NPAS3: variants seen among roughly 807,000 people sequenced by gnomAD.
NPAS3 encodes the protein neuronal PAS domain protein 3, also known as neuronal PAS domain-containing protein 3.
A neutral mutation model predicts 73.1 loss-of-function variants in NPAS3; 14 were observed. The ratio of observed to expected loss-of-function variants is 0.19; its 90% CI spans 0.13 to 0.30. The LOEUF is 0.30. Ranked by LOEUF, NPAS3 falls within the 10% of genes least tolerant of loss-of-function variation. The pLI, the probability that NPAS3 is intolerant of heterozygous loss-of-function variation, is 1.00. For missense variants in NPAS3, 1,096 were observed against 1,250.0 expected (o/e 0.88, Z 1.86); for synonymous variants, 620 against 541.5 (o/e 1.14, Z -2.01).
At chr14:33,798,048 T>C (rs1233335984) in intron 11 of NPAS3, among the ~76,000 whole-genome samples, 3 of 152,040 alleles carry the variant, frequency 2.0e-5, no homozygotes, top group Non-Finnish European at 4.4e-5. Context: ...GCTCTCGGCC[T>C]CTACTAAAGG....
chr14:33,182,181 A>G (rs2045821894), intron 2 of NPAS3, among the ~76,000 whole-genome samples: 1 of 152,226 alleles, frequency 6.6e-6, no homozygotes, highest in African/African-American at 2.4e-5. Context: ...TTTAAAGAAG[A>G]TGGCAATTGT....
In NPAS3 at chr14:33,446,074, G is replaced by A. The variant is rs140808235; in HGVS notation, c.468+78806G>A. Reference sequence around the variant, plus strand: ...CAATTCTCTAATCTTCTGATGTTCCGTTTGAGTCAACATCAACCCCACTGA... The same window carrying A: ...CAATTCTCTAATCTTCTGATGTTCCATTTGAGTCAACATCAACCCCACTGA... On this transcript the variant is annotated intron_variant, in intron 4 of 11. Coordinates refer to ENST00000356141, the Ensembl canonical transcript of NPAS3. 9.3e-3 allele frequency among the ~76,000 whole-genome samples: 1,402 copies of A among 150,686 alleles called. 19 individuals are homozygous for A. The highest frequency in any genetic ancestry group is 0.012 in the Non-Finnish European group (798 of 67,844).
intron 6 of NPAS3, among the ~76,000 whole-genome samples, chr14:33,718,596 A>G (rs190497770): frequency 5.9e-5 from 9 of 152,242 alleles, no homozygotes; most frequent in Admixed American, 5.9e-4. Flanking sequence ...GTGTATACAT[A>G]GATTATTTTT....
upstream of NPAS3, among the ~76,000 whole-genome samples, chr14:32,936,267 TAGA>T (rs1011962633): frequency 1.3e-5 from 2 of 152,108 alleles, no homozygotes; most frequent in African/African-American, 2.4e-5. Flanking sequence ...AAATATTCTG[TAGA>T]AGACTTCATT....
chr14:33,518,045 G>C (rs1375308966), intron 4 of NPAS3, among the ~76,000 whole-genome samples: 1 of 152,072 alleles, frequency 6.6e-6, no homozygotes, highest in Non-Finnish European at 1.5e-5. Flanking sequence ...AACAATTCTT[G>C]ACTGACAGCA....
intron 4 of NPAS3, among the ~76,000 whole-genome samples, chr14:33,461,681 C>T (rs1301799580): frequency 6.6e-6 from 1 of 152,170 alleles, no homozygotes; most frequent in East Asian, 1.9e-4. Context: ...AAGCAGGTTC[C>T]AGTTTGAAAT....
chr14:33,657,292 A>G (rs1194666120), intron 5 of NPAS3, among the ~76,000 whole-genome samples: 4 of 152,162 alleles, frequency 2.6e-5, no homozygotes, highest in Non-Finnish European at 5.9e-5. Flanking sequence ...CAGAGAGGAG[A>G]GAGGCCACAT....
chr14:33,260,214 GT>G (rs879299165), intron 3 of NPAS3, among the ~76,000 whole-genome samples: 7 of 152,100 alleles, frequency 4.6e-5, no homozygotes, highest in Admixed American at 1.3e-4. Flanking sequence ...AGATCCTTAT[GT>G]TTGTACCTTG....
intron 5 of NPAS3, chr14:33,585,916 T>A (rs2056841804): frequency 6.6e-6 from 1 of 152,110 alleles, no homozygotes; most frequent in Non-Finnish European, 1.5e-5. Flanking sequence ...GTTTTATGCC[T>A]TTTTAGTTTT....
At chr14:32,982,110 T>G (rs2139405804) in intron 1 of NPAS3, among the ~76,000 whole-genome samples, 1 of 152,312 alleles carries the variant, frequency 6.6e-6, no homozygotes, top group Admixed American at 6.5e-5. Flanking sequence ...CTCATACTCC[T>G]GGAGTCTGGA....
chr14:33,016,741 C>A (rs1201689115), intron 1 of NPAS3, among the ~76,000 whole-genome samples: 1 of 151,626 alleles, frequency 6.6e-6, no homozygotes, highest in Non-Finnish European at 1.5e-5. Context: ...CCATTTATTT[C>A]TCTGTAACTC....
intron 2 of NPAS3, among the ~76,000 whole-genome samples, chr14:33,139,192 A>G (rs535544354): frequency 2.6e-5 from 4 of 152,298 alleles, no homozygotes; most frequent in East Asian, 1.9e-4. Flanking sequence ...TGTCAAGCAT[A>G]TAAAATCAGA....
intron 2 of NPAS3, among the ~76,000 whole-genome samples, chr14:33,123,216 T>G (rs1000371202): frequency 6.6e-6 from 1 of 152,128 alleles, no homozygotes; most frequent in African/African-American, 2.4e-5. Context: ...TTACTTTAGA[T>G]TATCATGTTT....
At chr14:33,382,481 A>T (rs1394148297) in intron 4 of NPAS3, among the ~76,000 whole-genome samples, 35 of 152,138 alleles carry the variant, frequency 2.3e-4, no homozygotes, top group Admixed American at 2.3e-3. Flanking sequence ...GAGATTATTC[A>T]TTTTAGAAAG....
intron 5 of NPAS3, among the ~76,000 whole-genome samples, chr14:33,638,255 A>G (rs1187386420): frequency 6.6e-6 from 1 of 152,206 alleles, no homozygotes; most frequent in Non-Finnish European, 1.5e-5. Context: ...TTTAACCAGA[A>G]TTATTTTATA....
At chr14:33,762,972 A>G (rs1198206792) in intron 7 of NPAS3, among the ~76,000 whole-genome samples, 3 of 152,244 alleles carry the variant, frequency 2.0e-5, no homozygotes, top group Non-Finnish European at 2.9e-5. Flanking sequence ...GGAAGGGGAT[A>G]TGTTCTCTGA....
At chr14:33,641,077 T>G (rs1299226145) in intron 5 of NPAS3, among the ~76,000 whole-genome samples, 2 of 152,220 alleles carry the variant, frequency 1.3e-5, no homozygotes, top group African/African-American at 4.8e-5. Context: ...AAAACAAACA[T>G]GTATTTCTCT....
chr14:32,958,496 C>G (rs2036772830), intron 1 of NPAS3, among the ~76,000 whole-genome samples: 1 of 152,210 alleles, frequency 6.6e-6, no homozygotes, highest in Non-Finnish European at 1.5e-5. Context: ...TCCCAGTTAT[C>G]AGTTTGGTTT....
intron 3 of NPAS3, among the ~76,000 whole-genome samples, chr14:33,317,243 T>C (rs958766583): frequency 1.3e-5 from 2 of 152,090 alleles, no homozygotes; most frequent in East Asian, 1.9e-4. Flanking sequence ...CAGAAGTATT[T>C]CATCACAGCA....
Sources: allele counts gnomAD v4.1 joint callset (sites outside exome capture counted in the v4.1 genomes callset), GRCh38; gene constraint gnomAD v4.1.1; transcripts MANE v1.5; gene names NCBI Gene and HGNC (gene_info 2026-07-23, HGNC 2026-07-21).